KCNIP4: variants seen among roughly 807,000 people sequenced by gnomAD.
KCNIP4 encodes Kv channel-interacting protein 4.
KCNIP4 carries 12 observed loss-of-function variants against 34.0 expected under a neutral mutation model. The ratio of observed to expected loss-of-function variants is 0.35; its 90% confidence interval spans 0.23 to 0.57. The LOEUF (loss-of-function observed/expected upper bound fraction) is 0.57, where lower values mean the gene tolerates loss of function less well. Among genes scored for constraint, KCNIP4 ranks in the 20% least tolerant of loss-of-function variants. The probability of loss-of-function intolerance (pLI) is 0.83; values close to 1 mark genes in which losing one functional copy is unlikely to be tolerated. For synonymous variants in KCNIP4, 124 were observed against 102.2 expected (o/e 1.21, Z -1.29); for missense variants, 238 against 311.7 (o/e 0.76, Z 1.78).
At chr4:21,184,638 A>G (rs1335102550) in intron 1 of KCNIP4, among the ~76,000 whole-genome samples, 1 of 152,194 alleles carries the variant, frequency 6.6e-6, no homozygotes, top group Admixed American at 6.6e-5. Context: ...GTTCTCTGCC[A>G]TGATCATTTG....
At chr4:21,673,315 A>G (rs899027145) in intron 1 of KCNIP4, among the ~76,000 whole-genome samples, 1 of 152,200 alleles carries the variant, frequency 6.6e-6, no homozygotes, top group African/African-American at 2.4e-5. Flanking sequence ...GTTATTTTCC[A>G]TTACATTCTT....
intron 1 of KCNIP4, among the ~76,000 whole-genome samples, chr4:21,264,147 C>T (rs1400816635): frequency 8.9e-5 from 7 of 78,442 alleles, no homozygotes; most frequent in Non-Finnish European, 2.0e-4. Context: ...CTCTACACAT[C>T]CCAATTTCTA....
intron 1 of KCNIP4, among the ~76,000 whole-genome samples, chr4:21,833,963 G>A (rs1162466922): frequency 2.0e-5 from 3 of 151,464 alleles, no homozygotes; most frequent in Admixed American, 6.6e-5. Flanking sequence ...CTCTGTTTTG[G>A]TACCAGTACC....
chr4:21,304,898 G>A (rs907106803), intron 1 of KCNIP4, among the ~76,000 whole-genome samples: 5 of 151,692 alleles, frequency 3.3e-5, no homozygotes, highest in Admixed American at 6.6e-5. Context: ...AATATATACA[G>A]TATTTAATGT....
At chr4:21,114,767 T>G (rs1316755410) in intron 1 of KCNIP4, among the ~76,000 whole-genome samples, 1 of 151,982 alleles carries the variant, frequency 6.6e-6, no homozygotes, top group African/African-American at 2.4e-5. Flanking sequence ...AAAACTCAGG[T>G]GTAGGAAGGT....
intron 1 of KCNIP4, among the ~76,000 whole-genome samples, chr4:21,921,772 G>A (rs1728952646): frequency 6.6e-6 from 1 of 152,072 alleles, no homozygotes; most frequent in Non-Finnish European, 1.5e-5. Flanking sequence ...CCTCCTGCCT[G>A]GGATACCACC....
chr4:21,565,438 A>T (rs1210926289), intron 1 of KCNIP4, among the ~76,000 whole-genome samples: 1 of 152,118 alleles, frequency 6.6e-6, no homozygotes, highest in Non-Finnish European at 1.5e-5. Flanking sequence ...AGGCTTCAAC[A>T]TACAAATTTT....
chr4:21,519,618 A>G (rs10018348), intron 1 of KCNIP4, among the ~76,000 whole-genome samples: 2,918 of 101,016 alleles, frequency 0.029, 362 homozygotes, highest in Non-Finnish European at 0.042. Flanking sequence ...ATGTGTGTGT[A>G]TGTATGTGTA....
At chr4:21,639,562 T>C (rs573983866) in intron 1 of KCNIP4, among the ~76,000 whole-genome samples, 1 of 120,094 alleles carries the variant, frequency 8.3e-6, no homozygotes, top group South Asian at 2.7e-4. Flanking sequence ...AAGGTCAATC[T>C]GACAAGAATA....
intron 1 of KCNIP4, among the ~76,000 whole-genome samples, chr4:21,836,663 T>A (rs1723340700): frequency 6.6e-6 from 1 of 152,154 alleles, no homozygotes; most frequent in Admixed American, 6.5e-5. Context: ...AGGGGAATGT[T>A]GTTATGGAAA....
At chr4:21,084,310 T>C (rs1746238779) in intron 1 of KCNIP4, among the ~76,000 whole-genome samples, 2 of 152,006 alleles carry the variant, frequency 1.3e-5, no homozygotes. Flanking sequence ...GTGACAATTA[T>C]GACTTAGTCA....
chr4:21,489,227 G>T (rs996745898), intron 1 of KCNIP4, among the ~76,000 whole-genome samples: 1 of 150,206 alleles, frequency 6.7e-6, no homozygotes. Context: ...GCTTGGCAAT[G>T]AGTGATAACT....
At chr4:21,727,686 G>A (rs910296300) in intron 1 of KCNIP4, among the ~76,000 whole-genome samples, 2 of 151,870 alleles carry the variant, frequency 1.3e-5, no homozygotes, top group Non-Finnish European at 2.9e-5. Flanking sequence ...AAAATTATCC[G>A]GGTATAGTGG....
intron 1 of KCNIP4, among the ~76,000 whole-genome samples, chr4:21,712,014 T>A (rs1045709555): frequency 3.3e-5 from 5 of 152,182 alleles, no homozygotes; most frequent in Admixed American, 2.0e-4. Flanking sequence ...CCCAAACCTG[T>A]GCTCTAAAGC....
At chr4:21,238,104 T>G (rs1244855439) in intron 1 of KCNIP4, among the ~76,000 whole-genome samples, 1 of 152,126 alleles carries the variant, frequency 6.6e-6, no homozygotes, top group Non-Finnish European at 1.5e-5. Flanking sequence ...TAATCCAGCA[T>G]ATAAACAGAA....
intron 1 of KCNIP4, among the ~76,000 whole-genome samples, chr4:21,194,356 G>GAGGTTT (rs1310653601): frequency 6.6e-6 from 1 of 152,100 alleles, no homozygotes; most frequent in Admixed American, 6.6e-5. Context: ...GCATAAAAAT[G>GAGGTTT]AGGTTTATTG....
chr4:21,466,288 C>T (rs1729930087), intron 1 of KCNIP4, among the ~76,000 whole-genome samples: 1 of 152,148 alleles, frequency 6.6e-6, no homozygotes, highest in African/African-American at 2.4e-5. Context: ...GCTGTGGATA[C>T]ATCTGACTTA....
At chr4:21,815,432 CCAT>C (rs1560734972) in intron 1 of KCNIP4, among the ~76,000 whole-genome samples, 1 of 152,062 alleles carries the variant, frequency 6.6e-6, no homozygotes, top group Non-Finnish European at 1.5e-5. Context: ...ACCACCACCA[CCAT>C]CATCACTCTT....
chr4:21,143,852 A>C (rs1455284856), intron 1 of KCNIP4, among the ~76,000 whole-genome samples: 3 of 148,342 alleles, frequency 2.0e-5, no homozygotes, highest in Non-Finnish European at 3.0e-5. Flanking sequence ...ACAGGCACCC[A>C]CCACCATGCC....
Sources: gnomAD v4.1 joint callset for allele counts (sites outside exome capture counted in the v4.1 genomes callset) on GRCh38, gnomAD v4.1.1 for gene constraint, MANE v1.5 for transcripts, NCBI Gene and HGNC (gene_info 2026-07-23, HGNC 2026-07-21) for gene names.